Variants in RHOG observed in about 807,000 individuals in gnomAD.
RHOG encodes the protein ras homolog family member G, also known as rho-related GTP-binding protein RhoG.
RHOG carries 1 observed loss-of-function variant against 12.3 expected under a neutral mutation model. The ratio of observed to expected loss-of-function variants is 0.08; its 90% confidence interval spans 0.03 to 0.39. The LOEUF is 0.39. Among genes scored for constraint, RHOG ranks in the 10% least tolerant of loss-of-function variants. The pLI is 0.99. For synonymous variants in RHOG, 129 were observed against 116.0 expected, an observed-to-expected ratio of 1.11 and a Z score of -0.72; for missense variants, 114 against 266.2, an observed-to-expected ratio of 0.43 and a Z score of 3.98.
intron 1 of RHOG, among the ~76,000 whole-genome samples, chr11:3,832,574 T>G (rs890983315): frequency 3.3e-5 from 5 of 152,064 alleles, no homozygotes; most frequent in African/African-American, 1.2e-4. Context: ...ACACAGGAGG[T>G]GACAGGAGCA....
rs1399531062 is a variant in RHOG, at chr11:3,827,582, C to T, written c.557G>A (p.Arg186Gln). 6.2e-7 allele frequency: 1 copy of T among 1,605,010 alleles called. No individual in the cohort carries two copies. ...VLNPTPIKRG[R>Q]SCILL The stretch of plus-strand genomic sequence containing the variant: ...CCAGGGTCACAAGAGGATGCAGGAC[C>T]GCCCACGCTTGATCGGCGTGGGGTT... Residue 186 changes from arginine to glutamine, a missense_variant, in exon 2 of 2, where the codon CGG becomes CAG. Arg to Gln is a conservative substitution (Grantham distance 43). Transcript: ENST00000351018. This position sits in a 1 kb window ranked among gnomAD's most constrained non-coding sequence, Gnocchi z 7.3.
intron 1 of RHOG, among the ~76,000 whole-genome samples, chr11:3,828,567 A>C (rs1405415428): frequency 6.6e-6 from 1 of 151,966 alleles, no homozygotes; most frequent in East Asian, 1.9e-4. Context: ...CATTGTGAGC[A>C]TTATATAATA....
At chr11:3,838,481 G>A (rs2090169325) in intron 1 of RHOG, among the ~76,000 whole-genome samples, 1 of 149,924 alleles carries the variant, frequency 6.7e-6, no homozygotes, top group African/African-American at 2.5e-5. Flanking sequence ...TGTGATGCTG[G>A]GAAAGTGCCT....
intron 1 of RHOG, among the ~76,000 whole-genome samples, chr11:3,836,928 A>AAAAAAAAAAAAAAAC (rs2090161268): frequency 1.5e-5 from 2 of 137,830 alleles, no homozygotes; most frequent in Non-Finnish European, 3.2e-5. Flanking sequence ...AAAAAAAAAA[A>AAAAAAAAAAAAAAAC]AAAGCTGAGC....
chr11:3,837,131 T>C (rs2090162670), intron 1 of RHOG, among the ~76,000 whole-genome samples: 1 of 152,036 alleles, frequency 6.6e-6, no homozygotes, highest in Admixed American at 6.5e-5. Flanking sequence ...TGTACAGAAG[T>C]GCCATCCTGC....
At chr11:3,839,528 T>C (rs2090178098) in intron 1 of RHOG, among the ~76,000 whole-genome samples, 1 of 142,164 alleles carries the variant, frequency 7.0e-6, no homozygotes. Context: ...ACACACAGGC[T>C]TTCCATCTCT....
chr11:3,831,738 CA>C lies in RHOG; in HGVS notation c.-68-3533del, dbSNP rs978587109. On this transcript the variant is annotated intron_variant, in intron 1 of 1. Transcript: ENST00000351018. Reference sequence around the variant, plus strand: ...GGAGGCAGGGGGCATTATTTGTGCCCAGCGGATTACGTGGGAAGCCTTGACA... The same window carrying C: ...GGAGGCAGGGGGCATTATTTGTGCCCGCGGATTACGTGGGAAGCCTTGACA... 1.7e-4 allele frequency among the ~76,000 whole-genome samples: 26 copies of C among 152,266 alleles called. 1 individual carries two copies. The highest frequency in any genetic ancestry group is 6.3e-4 in the African/African-American group (26 of 41,544).
At chr11:3,829,872 G>A (rs184490448) in intron 1 of RHOG, among the ~76,000 whole-genome samples, 116 of 152,098 alleles carry the variant, frequency 7.6e-4, no homozygotes, top group Non-Finnish European at 1.4e-3. Flanking sequence ...TCACCCTCCC[G>A]AGTGGCTGGG....
chr11:3,829,565 G>C (rs551854919), intron 1 of RHOG, among the ~76,000 whole-genome samples: 1 of 151,712 alleles, frequency 6.6e-6, no homozygotes, highest in African/African-American at 2.4e-5. Context: ...CATCATTCTT[G>C]TAAGTACTGA....
chr11:3,836,420 T>A (rs1447384300), intron 1 of RHOG, among the ~76,000 whole-genome samples: 1 of 150,438 alleles, frequency 6.6e-6, no homozygotes, highest in Non-Finnish European at 1.5e-5. Context: ...TTGTCATTCA[T>A]CCTTCAGCCT....
intron 1 of RHOG, among the ~76,000 whole-genome samples, chr11:3,837,563 G>A (rs2090165076): frequency 6.6e-6 from 1 of 152,168 alleles, no homozygotes; most frequent in Non-Finnish European, 1.5e-5. Context: ...TGCCTTTGGA[G>A]GTACTGATAT....
chr11:3,829,293 T>A (rs1590474826), intron 1 of RHOG, among the ~76,000 whole-genome samples: 1 of 146,398 alleles, frequency 6.8e-6, no homozygotes, highest in Non-Finnish European at 1.5e-5. Context: ...CACTCTGTCG[T>A]CCAGGCTGGA....
At chr11:3,834,386 C>A (rs200871120) in intron 1 of RHOG, among the ~76,000 whole-genome samples, 4 of 152,184 alleles carry the variant, frequency 2.6e-5, no homozygotes, top group African/African-American at 7.2e-5. Flanking sequence ...CAGGACTGTA[C>A]AACCATTGCC....
At chr11:3,836,378 G>GAA (rs60712252) in intron 1 of RHOG, among the ~76,000 whole-genome samples, 1 of 144,466 alleles carries the variant, frequency 6.9e-6, no homozygotes, top group Non-Finnish European at 1.5e-5. Context: ...AAAAAAGAAA[G>GAA]AAAAAATCCA....
intron 1 of RHOG, among the ~76,000 whole-genome samples, chr11:3,829,894 A>C (rs1369190194): frequency 6.6e-6 from 1 of 152,060 alleles, no homozygotes. Flanking sequence ...TTACAGGCGC[A>C]TGCCACCACG....
At chr11:3,832,726 CTGAA>C (rs2090137883) in intron 1 of RHOG, among the ~76,000 whole-genome samples, 1 of 152,188 alleles carries the variant, frequency 6.6e-6, no homozygotes, top group Non-Finnish European at 1.5e-5. Context: ...ATCCTCTGGC[CTGAA>C]CTGGGTTGAA....
intron 1 of RHOG, among the ~76,000 whole-genome samples, chr11:3,828,861 C>T (rs1459710035): frequency 2.6e-5 from 4 of 151,926 alleles, no homozygotes; most frequent in Non-Finnish European, 5.9e-5. Context: ...ACCTCGTGAT[C>T]CGCCCGCCTT....
At chr11:3,839,384 T>C (rs1432867082) in intron 1 of RHOG, among the ~76,000 whole-genome samples, 1 of 152,038 alleles carries the variant, frequency 6.6e-6, no homozygotes, top group Non-Finnish European at 1.5e-5. Flanking sequence ...GCAGGTTCCC[T>C]TCATTCTGCT....
chr11:3,833,731 G>C (rs1275560429), intron 1 of RHOG, among the ~76,000 whole-genome samples: 1 of 152,144 alleles, frequency 6.6e-6, no homozygotes, highest in East Asian at 1.9e-4. Context: ...CACAATGTAG[G>C]TACTTTGCAA....
Sources: gnomAD v4.1 joint callset for allele counts (sites outside exome capture counted in the v4.1 genomes callset) on GRCh38, gnomAD v4.1.1 for gene constraint, Gnocchi (gnomAD v3.1) non-coding constraint, MANE v1.5 for transcripts, NCBI Gene and HGNC (gene_info 2026-07-23, HGNC 2026-07-21) for gene names.